RYR3: variants seen among roughly 807,000 people sequenced by gnomAD.
The protein encoded by RYR3 is ryanodine receptor 3, also known as brain ryanodine receptor-calcium release channel.
RYR3 carries 207 observed loss-of-function variants against 584.3 expected under a neutral mutation model. That is an observed-to-expected ratio of 0.35 (90% CI 0.32 to 0.40). RYR3 has a LOEUF of 0.40. Among genes scored for constraint, RYR3 ranks in the 10% least tolerant of loss-of-function variants. The pLI is 1.00. For synonymous variants in RYR3, 2,416 were observed against 2,248.5 expected, an observed-to-expected ratio of 1.07 and a Z score of -2.11; for missense variants, 5,616 against 6,089.2, an observed-to-expected ratio of 0.92 and a Z score of 2.59.
At chr15:33,507,879 C>A (rs942017188) in intron 3 of RYR3, among the ~76,000 whole-genome samples, 3 of 152,104 alleles carry the variant, frequency 2.0e-5, no homozygotes, top group African/African-American at 7.2e-5. Context: ...GAGATCAGTG[C>A]CTACAACTAC....
chr15:33,659,539 G>A (rs1461284123), intron 32 of RYR3, among the ~76,000 whole-genome samples, 181 bp from the exon 33 acceptor site: 1 of 152,248 alleles, frequency 6.6e-6, no homozygotes, highest in Non-Finnish European at 1.5e-5. Flanking sequence ...TGTTTAAGGT[G>A]TGGAATTGTG....
intron 14 of RYR3, among the ~76,000 whole-genome samples, chr15:33,582,405 C>T (rs975899361): frequency 6.6e-6 from 1 of 152,156 alleles, no homozygotes; most frequent in Non-Finnish European, 1.5e-5. Flanking sequence ...GGACCTATTC[C>T]CCAGCTTAGG....
chr15:33,596,126 C>T (rs1005956586), intron 16 of RYR3, among the ~76,000 whole-genome samples: 12 of 147,842 alleles, frequency 8.1e-5, no homozygotes, highest in African/African-American at 3.0e-4. Context: ...CTTTTTTATT[C>T]CTGGTTCCTT....
chr15:33,865,544 G>A lies in RYR3; in HGVS notation c.*318G>A. Reference sequence around the variant, plus strand: ...TTGGGATGGAAGCATGAAGGAAAGGGCTAGAGAAGTATGAAATCTCGAATG... The same window carrying A: ...TTGGGATGGAAGCATGAAGGAAAGGACTAGAGAAGTATGAAATCTCGAATG... On this transcript the variant is annotated 3_prime_UTR_variant, in exon 104 of 104. Transcript: ENST00000634891. 3.7e-6 allele frequency: 1 copy of A among 270,712 alleles called. No individual in the cohort carries two copies. The allele number at this position is 270,712 out of a possible 1,614,324, so 16.8% of individuals were successfully genotyped here. A position where few individuals can be genotyped will look rare whatever the true frequency, so the allele number is the denominator to read the frequency against.
At chr15:33,757,709 T>C in intron 60 of RYR3, 113 bp downstream of exon 60, 1 of 1,228,988 alleles carries the variant, frequency 8.1e-7, no homozygotes, top group Middle Eastern at 2.6e-4. Context: ...GGATGATGTT[T>C]TGGTTTGTCA....
At chr15:33,794,351 A>ATATAACATATATATATGTGTG (rs1336671637) in intron 67 of RYR3, among the ~76,000 whole-genome samples, 2 of 143,140 alleles carry the variant, frequency 1.4e-5, no homozygotes, top group East Asian at 2.0e-4. Flanking sequence ...ATATAAAAAT[A>ATATAACATATATATATGTGTG]TATATATATA....
chr15:33,705,569 G>A (rs1186641418), intron 42 of RYR3, among the ~76,000 whole-genome samples: 3 of 152,218 alleles, frequency 2.0e-5, no homozygotes, highest in African/African-American at 4.8e-5. Flanking sequence ...ATATTTGCCA[G>A]GCTTTTTGCC....
chr15:33,827,410 G>A (rs1462137434), intron 85 of RYR3, 123 bp downstream of exon 85: 21 of 810,752 alleles, frequency 2.6e-5, no homozygotes, highest in Admixed American at 2.1e-4. Flanking sequence ...GCGTTGTAAC[G>A]TGTATCCACA....
At chr15:33,313,322 C>T (rs987794765) in intron 1 of RYR3, among the ~76,000 whole-genome samples, 5 of 152,112 alleles carry the variant, frequency 3.3e-5, no homozygotes, top group East Asian at 1.9e-4. Flanking sequence ...ATTACATTCC[C>T]GCTAGAGCCT....
At chr15:33,725,809 A>AAT (rs1423160723) in intron 45 of RYR3, among the ~76,000 whole-genome samples, 2 of 149,820 alleles carry the variant, frequency 1.3e-5, no homozygotes, top group Admixed American at 6.6e-5. Flanking sequence ...AAAAAAAAAA[A>AAT]AATACAAAAA....
intron 43 of RYR3, among the ~76,000 whole-genome samples, 159 bp downstream of exon 43, chr15:33,707,213 G>A (rs1037478827): frequency 2.6e-5 from 4 of 152,112 alleles, no homozygotes; most frequent in Non-Finnish European, 5.9e-5. Flanking sequence ...TTTGGTGGCT[G>A]GCAAGAGAAA....
chr15:33,553,261 A>G (rs1266480689), intron 10 of RYR3, among the ~76,000 whole-genome samples: 1 of 152,136 alleles, frequency 6.6e-6, no homozygotes, highest in Admixed American at 6.5e-5. Context: ...TTTTGGGAGG[A>G]CACTGGGTGT....
intron 10 of RYR3, among the ~76,000 whole-genome samples, chr15:33,562,301 C>T (rs7183726): frequency 0.024 from 3,659 of 152,310 alleles, 136 homozygotes; most frequent in African/African-American, 0.08. Flanking sequence ...ACACAAATTA[C>T]TACATTAGCT....
rs141049608 is a variant in RYR3 at position 33,384,279 on chromosome 15, C to T, written c.51+73183C>T. Among the ~76,000 whole-genome samples the T allele has an allele frequency of 9.2e-3, 1,392 of 151,864 alleles. 20 individuals carry two copies. The highest frequency in any genetic ancestry group is 0.031 in the African/African-American group (1,285 of 41,424). Reference sequence around the variant, plus strand: ...AATCTTCTGCCTTCCTCAAGGCACACGAAAAGGTAAAGTGGATGAAGAGTC... The same window carrying T: ...AATCTTCTGCCTTCCTCAAGGCACATGAAAAGGTAAAGTGGATGAAGAGTC... On this transcript the variant is annotated intron_variant, in intron 1 of 103. Coordinates refer to ENST00000634891, the MANE Select transcript of RYR3 (RefSeq NM_001036.6).
At chr15:33,674,253 G>A (rs1358883515) in intron 38 of RYR3, among the ~76,000 whole-genome samples, 1 of 152,196 alleles carries the variant, frequency 6.6e-6, no homozygotes, top group African/African-American at 2.4e-5. Flanking sequence ...CACATGCAAA[G>A]TGAGATAACT....
intron 10 of RYR3, among the ~76,000 whole-genome samples, chr15:33,552,691 C>A (rs1041620182): frequency 6.6e-6 from 1 of 152,088 alleles, no homozygotes; most frequent in Non-Finnish European, 1.5e-5. Context: ...TTCTTTGGGA[C>A]GTTGTGTGGG....
chr15:33,498,504 C>G (rs1197811279), intron 2 of RYR3, among the ~76,000 whole-genome samples: 1 of 151,934 alleles, frequency 6.6e-6, no homozygotes, highest in Non-Finnish European at 1.5e-5. Flanking sequence ...AGACCATGTG[C>G]TCATTTTGTA....
chr15:33,485,572 GA>G (rs1288214878), intron 2 of RYR3, among the ~76,000 whole-genome samples: 5 of 152,198 alleles, frequency 3.3e-5, no homozygotes, highest in African/African-American at 1.2e-4. Flanking sequence ...GAATAGGAAG[GA>G]AAACGTCAAG....
chr15:33,364,339 A>C (rs1975182166), intron 1 of RYR3, among the ~76,000 whole-genome samples: 1 of 152,168 alleles, frequency 6.6e-6, no homozygotes, highest in African/African-American at 2.4e-5. Context: ...TGAGTTTCAT[A>C]TGGAACAAAA....
Sources: allele counts gnomAD v4.1 joint callset (sites outside exome capture counted in the v4.1 genomes callset), GRCh38; gene constraint gnomAD v4.1.1; transcripts MANE v1.5; gene names NCBI Gene and HGNC (gene_info 2026-07-23, HGNC 2026-07-21).